Variants in ABCA4 observed in about 807,000 individuals in gnomAD.
ABCA4 encodes the protein retinal-specific phospholipid-transporting ATPase ABCA4.
A neutral mutation model predicts 263.7 loss-of-function variants in ABCA4; 196 were observed. The ratio of observed to expected loss-of-function variants is 0.74; its 90% CI spans 0.66 to 0.84. The LOEUF (loss-of-function observed/expected upper bound fraction) is 0.84, where lower values mean the gene tolerates loss of function less well. Among genes scored for constraint, ABCA4 ranks in the 40% least tolerant of loss-of-function variants. The pLI is 0.00. For synonymous variants in ABCA4, 1,133 were observed against 1,094.2 expected (o/e 1.04, Z -0.70); for missense variants, 2,792 against 2,855.1 (o/e 0.98, Z 0.50).
In ABCA4 at chr1:93,993,008, G is replaced by T. The variant is rs918224223; in HGVS notation, c.*229C>A. The T allele has an allele frequency of 4.2e-5, 25 of 593,796 alleles. No individual in the cohort carries two copies. Among genetic ancestry groups the T allele is most frequent in the East Asian group, 3.7e-4 (13 of 34,800 alleles). 36.8% of individuals were successfully genotyped at this position (593,796 alleles called of 1,614,324 possible). On this transcript the variant is annotated 3_prime_UTR_variant, in exon 50 of 50. Coordinates refer to ENST00000370225, the MANE Select transcript of ABCA4 (RefSeq NM_000350.3). ...GTTCTGGGGTCTGGAGAAGGATTTT[G>T]TATTTGTTTGGTTTCACCATCAGGT...
At chr1:94,034,495 C>T (rs951804699) in intron 26 of ABCA4, among the ~76,000 whole-genome samples, 1 of 152,082 alleles carries the variant, frequency 6.6e-6, no homozygotes, top group African/African-American at 2.4e-5. Flanking sequence ...AGACCCTCTC[C>T]ATGCCACGCA....
rs1660532440 is a variant in ABCA4 at position 94,042,856 on chromosome 1, C to T, written c.3233G>A (p.Gly1078Glu). ...GTCCAGAATCACCACCTTGGCATCT[C>T]CCACAAAGGCAATGGCAACCGACAG... ...RKLSVAIAFV[G>E]DAKVVILDEP... is the part of the protein sequence containing the mutation. Residue 1078 changes from glycine to glutamate, a missense_variant, in exon 22 of 50, where the codon GGA (glycine) becomes GAA (glutamate). Coordinates refer to ENST00000370225, the MANE Select transcript of ABCA4 (RefSeq NM_000350.3). 6.2e-7 allele frequency: 1 copy of T among 1,614,166 alleles called. No individual in the cohort carries two copies. Among genetic ancestry groups the T allele is most frequent in the Non-Finnish European group, 8.5e-7 (1 of 1,180,038 alleles).
At chr1:94,081,603 C>CGT (rs569620096) in intron 7 of ABCA4, among the ~76,000 whole-genome samples, 1 of 150,764 alleles carries the variant, frequency 6.6e-6, no homozygotes, top group Non-Finnish European at 1.5e-5. Flanking sequence ...TGTGTGTGTG[C>CGT]GTGTGTGTGT....
At chr1:94,004,014 C>A (rs569825038) in intron 44 of ABCA4, among the ~76,000 whole-genome samples, 1 of 152,136 alleles carries the variant, frequency 6.6e-6, no homozygotes, top group Non-Finnish European at 1.5e-5. Context: ...CTATGCCATT[C>A]CAGCCCTGGA....
intron 6 of ABCA4, among the ~76,000 whole-genome samples, chr1:94,088,779 A>T (rs1280357047): frequency 6.6e-6 from 1 of 152,204 alleles, no homozygotes; most frequent in South Asian, 2.1e-4. Context: ...CTGGAATCCA[A>T]AGAAGCTATG....
In ABCA4 at chr1:93,993,025, C is replaced by T. The variant is rs933645619; in HGVS notation, c.*212G>A. 3.2e-6 allele frequency: 2 copies of T among 623,354 alleles called. No individual in the cohort carries two copies. The highest frequency in any genetic ancestry group is 1.8e-5 in the African/African-American group (1 of 54,206). The allele number at this position is 623,354 out of a possible 1,614,324, so 38.6% of individuals were successfully genotyped here. ...AGGATTTTGTATTTGTTTGGTTTCA[C>T]CATCAGGTGTTCCAGGTGAGCAAGT... On this transcript the variant is annotated 3_prime_UTR_variant, in exon 50 of 50. Transcript: ENST00000370225.
chr1:94,076,398 G>T (rs554548749), intron 11 of ABCA4, among the ~76,000 whole-genome samples: 1 of 152,310 alleles, frequency 6.6e-6, no homozygotes, highest in East Asian at 1.9e-4. Context: ...GGACACAGGG[G>T]TCTCATGGTG....
rs63749083 is a variant in ABCA4, at chr1:94,080,538, CCTTATAGTTATTGT to C, written c.1025_1038del (p.Asp342GlyfsTer6). ...CTTGTGGAGTCAATCCCCAGAAAGG[CCTTATAGTTATTGT>C]CTTCATACCAGTTGAAGGAGAGCAC... On this transcript the variant is annotated frameshift_variant, in exon 8 of 50. Coordinates refer to ENST00000370225, the MANE Select transcript of ABCA4 (RefSeq NM_000350.3). LOFTEE classifies it high-confidence loss of function. The C allele has an allele frequency of 6.2e-7, 1 of 1,614,066 alleles. No individual in the cohort carries two copies. Among genetic ancestry groups the C allele is most frequent in the Admixed American group, 1.7e-5 (1 of 60,002 alleles).
chr1:94,049,327 G>A (rs1043466518), intron 17 of ABCA4, among the ~76,000 whole-genome samples: 2 of 152,198 alleles, frequency 1.3e-5, no homozygotes, highest in African/African-American at 2.4e-5. Flanking sequence ...TGAACCTTGA[G>A]TAAAAGTCTA....
At chr1:94,041,449 G>A in intron 22 of ABCA4, 47 bp from the exon 23 acceptor site, 1 of 1,604,858 alleles carries the variant, frequency 6.2e-7, no homozygotes, top group Non-Finnish European at 8.5e-7. Flanking sequence ...CCTGGGTTGG[G>A]CATTGTTGGT....
At chr1:94,024,856 T>C (rs1171781805) in intron 31 of ABCA4, 98 bp downstream of exon 31, 1 of 1,114,124 alleles carries the variant, frequency 9.0e-7, no homozygotes, top group East Asian at 2.4e-5. Context: ...TCTACTGCCC[T>C]GATCATACAT....
intron 13 of ABCA4, 116 bp from the exon 14 acceptor site, chr1:94,060,875 C>G: frequency 2.4e-6 from 2 of 837,112 alleles, no homozygotes; most frequent in Non-Finnish European, 4.0e-6. Flanking sequence ...GAAAGGAAAA[C>G]AGGAAAACCT....
chr1:94,116,298 C>A (rs1228940458), intron 1 of ABCA4, among the ~76,000 whole-genome samples: 1 of 152,002 alleles, frequency 6.6e-6, no homozygotes, highest in Non-Finnish European at 1.5e-5. Context: ...CAAATCATCA[C>A]CCCTGTTGAT....
intron 47 of ABCA4, among the ~76,000 whole-genome samples, chr1:93,998,952 T>C (rs1659098524): frequency 6.6e-6 from 1 of 150,662 alleles, no homozygotes; most frequent in Non-Finnish European, 1.5e-5. Flanking sequence ...GGTTTCACTA[T>C]GTTGGCCAGG....
chr1:94,025,136 T>A, intron 30 of ABCA4, 88 bp from the exon 31 acceptor site: 2 of 1,052,308 alleles, frequency 1.9e-6, no homozygotes, highest in Non-Finnish European at 3.0e-6. Flanking sequence ...TTCCAAAAAT[T>A]ATTTATGGAT....
chr1:94,092,486 G>GA (rs1411717158), intron 6 of ABCA4, among the ~76,000 whole-genome samples: 1 of 152,234 alleles, frequency 6.6e-6, no homozygotes, highest in African/African-American at 2.4e-5. Context: ...GGGCAACCAG[G>GA]AGGGGACACC....
chr1:94,076,973 A>G (rs1371553634), intron 11 of ABCA4, among the ~76,000 whole-genome samples: 1 of 152,224 alleles, frequency 6.6e-6, no homozygotes, highest in Non-Finnish European at 1.5e-5. Flanking sequence ...CTTAATGGTC[A>G]TGCGTGGGAT....
intron 11 of ABCA4, among the ~76,000 whole-genome samples, chr1:94,072,558 T>C (rs1213669664): frequency 6.6e-6 from 1 of 152,198 alleles, no homozygotes; most frequent in Non-Finnish European, 1.5e-5. Flanking sequence ...GAATAATGTA[T>C]TAATTTTTCT....
intron 38 of ABCA4, 35 bp from the exon 39 acceptor site, chr1:94,011,420 C>T: frequency 6.2e-7 from 1 of 1,603,890 alleles, no homozygotes; most frequent in Non-Finnish European, 8.5e-7. Flanking sequence ...GGAAACGGGG[C>T]AAACCCCACC....
Sources: gnomAD v4.1 joint callset for allele counts (sites outside exome capture counted in the v4.1 genomes callset) on GRCh38, gnomAD v4.1.1 for gene constraint, MANE v1.5 for transcripts, NCBI Gene and HGNC (gene_info 2026-07-23, HGNC 2026-07-21) for gene names.